GRK5: variants seen among roughly 807,000 people sequenced by gnomAD.
The protein encoded by GRK5 is g protein-coupled receptor kinase GRK5.
A neutral mutation model predicts 78.4 loss-of-function variants in GRK5; 40 were observed. The observed-to-expected ratio is 0.51, with a 90% CI of 0.40 to 0.66. The LOEUF is 0.66. GRK5 is among the 30% of genes least tolerant of loss of function. The pLI is 0.00. For synonymous variants in GRK5, 289 were observed against 296.8 expected (o/e 0.97, Z 0.27); for missense variants, 598 against 759.9 (o/e 0.79, Z 2.50).
chr10:119,335,221 T>C (rs536778791), intron 2 of GRK5, among the ~76,000 whole-genome samples: 55 of 138,014 alleles, frequency 4.0e-4, no homozygotes, highest in South Asian at 2.7e-3. Flanking sequence ...CTTTCCTCCT[T>C]TCCTTCTTTA....
Position 119,396,797 on chromosome 10 carries a change from G to T in GRK5, c.339+25G>T, listed in dbSNP as rs776942977. ...GGTAAGGAGTCTTCCAAACCCCACA[G>T]CAGGTGGCACAGGAGGCCTTATGCA... On this transcript the variant is annotated intron_variant, in intron 4 of 15. Transcript: ENST00000392870. The T allele has an allele frequency of 5.7e-6, 9 of 1,579,774 alleles. No homozygotes were observed. The South Asian group carries it at 1.0e-4, about 17-fold the overall frequency.
intron 1 of GRK5, among the ~76,000 whole-genome samples, chr10:119,309,616 G>A (rs1389621188): frequency 1.3e-5 from 2 of 152,160 alleles, no homozygotes; most frequent in South Asian, 2.1e-4. Context: ...CCCATTTTAC[G>A]CTTGAACAAT....
rs117218080 is a variant in GRK5 at position 119,417,037 on chromosome 10, G to A, written c.340-6129G>A. Among the ~76,000 whole-genome samples the A allele has an allele frequency of 6.9e-3, 1,051 of 152,320 alleles. 9 individuals are homozygous for A. The highest frequency in any genetic ancestry group is 0.011 in the Non-Finnish European group (749 of 68,028). On this transcript the variant is annotated intron_variant, in intron 4 of 15. Coordinates refer to ENST00000392870, the MANE Select transcript of GRK5 (RefSeq NM_005308.3). ...GACCAGAAGGCTGGCAGGCCGTTGG[G>A]GTGAAGGAGCATAGGGAAGCAATGG...
At chr10:119,209,906 G>A (rs963763874) in intron 1 of GRK5, among the ~76,000 whole-genome samples, 3 of 152,114 alleles carry the variant, frequency 2.0e-5, no homozygotes, top group African/African-American at 7.2e-5. Flanking sequence ...ATAATGCTTT[G>A]CTTAGAGTGG....
chr10:119,365,811 T>C (rs2133814784), intron 2 of GRK5, among the ~76,000 whole-genome samples: 1 of 152,354 alleles, frequency 6.6e-6, no homozygotes, highest in African/African-American at 2.4e-5. Context: ...AGGATGAGGA[T>C]GTCAGTGCAG....
At chr10:119,366,150 A>G (rs1259840075) in intron 2 of GRK5, among the ~76,000 whole-genome samples, 3 of 152,110 alleles carry the variant, frequency 2.0e-5, no homozygotes, top group Non-Finnish European at 2.9e-5. Context: ...CAATTCCAAC[A>G]CCCTATTAAA....
intron 3 of GRK5, among the ~76,000 whole-genome samples, chr10:119,394,391 T>TGGGC (rs1851979487): frequency 1.1e-5 from 1 of 92,370 alleles, no homozygotes; most frequent in Non-Finnish European, 2.4e-5. Context: ...TGTGTATCTG[T>TGGGC]GTCTGTGTGT....
rs184683297 is a variant in GRK5, at chr10:119,430,068, A to T, written c.534-307A>T. Among the ~76,000 whole-genome samples, 1 of 152,156 alleles carries T rather than the reference A, an allele frequency of 6.6e-6. No individual in the cohort carries two copies. The highest frequency in any genetic ancestry group is 1.5e-5 in the Non-Finnish European group (1 of 68,040). On this transcript the variant is annotated intron_variant, in intron 6 of 15. Coordinates refer to ENST00000392870, the MANE Select transcript of GRK5 (RefSeq NM_005308.3). The surrounding 1 kb of genome is among the most constrained non-coding windows in gnomAD (Gnocchi z 4.5). Reference sequence around the variant, plus strand: ...TGATTTGCAGAGAGAGGAGAACCACATGGAGAGTGTGGTCAAGCACCTCTG... The same window carrying T: ...TGATTTGCAGAGAGAGGAGAACCACTTGGAGAGTGTGGTCAAGCACCTCTG...
rs1298421561 is a variant in GRK5, at chr10:119,379,719, C to T, written c.149-1096C>T. On this transcript the variant is annotated intron_variant, in intron 2 of 15. Coordinates refer to ENST00000392870, the MANE Select transcript of GRK5 (RefSeq NM_005308.3). The surrounding 1 kb of genome is among the most constrained non-coding windows in gnomAD (Gnocchi z 4.1). ...CCTGAGACAGCATGTTTCAGTGGTTCCTTCGAGTATCTTCCTGGCCAGAGA... is the reference window on the plus strand; with the variant it reads ...CCTGAGACAGCATGTTTCAGTGGTTTCTTCGAGTATCTTCCTGGCCAGAGA... 2.0e-5 allele frequency among the ~76,000 whole-genome samples: 3 copies of T among 152,308 alleles called. No individual in the cohort carries two copies. In the East Asian group the frequency reaches 5.8e-4, roughly 29 times the overall value.
rs1227901357 is a variant in GRK5, at chr10:119,412,461, A to G, written c.340-10705A>G. Among the ~76,000 whole-genome samples the G allele has an allele frequency of 1.3e-5, 2 of 152,162 alleles. No individual in the cohort carries two copies. Among genetic ancestry groups the G allele is most frequent in the Non-Finnish European group, 2.9e-5 (2 of 68,028 alleles). ...AGGGAGGGACAGGCCACGAGCCCGC[A>G]CAGCTCGTGAGCGTGTGGCCGGACT... On this transcript the variant is annotated intron_variant, in intron 4 of 15. Transcript: ENST00000392870. This position sits in a 1 kb window ranked among gnomAD's most constrained non-coding sequence, Gnocchi z 4.3.
At chr10:119,221,636 C>A (rs1848657923) in intron 1 of GRK5, among the ~76,000 whole-genome samples, 1 of 152,150 alleles carries the variant, frequency 6.6e-6, no homozygotes, top group African/African-American at 2.4e-5. Context: ...AAGGAATATC[C>A]TACCCATGAT....
At chr10:119,421,838 A>G (rs556478539) in intron 4 of GRK5, among the ~76,000 whole-genome samples, 1 of 152,286 alleles carries the variant, frequency 6.6e-6, no homozygotes, top group African/African-American at 2.4e-5. Context: ...AAAGAAATAA[A>G]GAAGGAAGGA....
chr10:119,251,291 A>C (rs1849195308), intron 1 of GRK5, among the ~76,000 whole-genome samples: 4 of 152,230 alleles, frequency 2.6e-5, no homozygotes, highest in Admixed American at 2.0e-4. Flanking sequence ...CCATGTTAAA[A>C]CAAAAAGCAG....
At chr10:119,415,840 T>A (rs932145106) in intron 4 of GRK5, among the ~76,000 whole-genome samples, 1 of 152,184 alleles carries the variant, frequency 6.6e-6, no homozygotes, top group Non-Finnish European at 1.5e-5. Context: ...GCAAGTGACT[T>A]GCAGGGGACC....
chr10:119,314,926 C>A (rs974567164), intron 1 of GRK5, among the ~76,000 whole-genome samples: 11 of 152,222 alleles, frequency 7.2e-5, no homozygotes, highest in Non-Finnish European at 2.9e-5. Flanking sequence ...CAGGGGCTGG[C>A]TGTTCTCAGA....
At chr10:119,327,497 G>C (rs1183072300) in intron 2 of GRK5, among the ~76,000 whole-genome samples, 1 of 152,226 alleles carries the variant, frequency 6.6e-6, no homozygotes, top group East Asian at 1.9e-4. Context: ...TCCACTGAAG[G>C]CTGGGCACGG....
chr10:119,220,187 G>A (rs537298669), intron 1 of GRK5, among the ~76,000 whole-genome samples: 1 of 152,250 alleles, frequency 6.6e-6, no homozygotes, highest in South Asian at 2.1e-4. Flanking sequence ...ATGGTGCCAA[G>A]CCCTGTGATA....
At chr10:119,221,499 G>C (rs1052877190) in intron 1 of GRK5, among the ~76,000 whole-genome samples, 1 of 152,206 alleles carries the variant, frequency 6.6e-6, no homozygotes, top group East Asian at 1.9e-4. Flanking sequence ...TGTTCTAGCA[G>C]ACTCTTAGGG....
intron 2 of GRK5, among the ~76,000 whole-genome samples, chr10:119,350,500 A>G (rs568998803): frequency 6.6e-6 from 1 of 152,332 alleles, no homozygotes; most frequent in South Asian, 2.1e-4. Context: ...GTCACAGCTC[A>G]CATTTTATTT....
Sources: gnomAD v4.1 joint callset for allele counts (sites outside exome capture counted in the v4.1 genomes callset) on GRCh38, gnomAD v4.1.1 for gene constraint, Gnocchi (gnomAD v3.1) non-coding constraint, MANE v1.5 for transcripts, NCBI Gene and HGNC (gene_info 2026-07-23, HGNC 2026-07-21) for gene names.